Variants in OXNAD1 observed in about 807,000 individuals in gnomAD.
OXNAD1 encodes oxidoreductase NAD-binding domain-containing protein 1.
In OXNAD1, 34 loss-of-function variants were observed where a neutral mutation model predicts 32.9. The ratio of observed to expected loss-of-function variants is 1.03; its 90% CI spans 0.79 to 1.38. The LOEUF is 1.38. Ranked by LOEUF, OXNAD1 falls within the 40% of genes most tolerant of loss-of-function variation. The pLI, the probability that OXNAD1 is intolerant of heterozygous loss-of-function variation, is 0.00. For synonymous variants in OXNAD1, 134 were observed against 135.2 expected, an observed-to-expected ratio of 0.99 and a Z score of 0.06; for missense variants, 407 against 379.4, an observed-to-expected ratio of 1.07 and a Z score of -0.60.
At chr3:16,310,890 T>C (rs1426008743), downstream of OXNAD1, among the ~76,000 whole-genome samples, 1 of 148,482 alleles carries the variant, frequency 6.7e-6, no homozygotes. Context: ...CTCGGCAGGC[T>C]GAGGCAAGAG....
chr3:16,291,383 C>T (rs966317565), intron 5 of OXNAD1, among the ~76,000 whole-genome samples: 18 of 152,180 alleles, frequency 1.2e-4, no homozygotes, highest in African/African-American at 3.4e-4. Context: ...ATTTTTATCC[C>T]AGAAAGAAAC....
Position 16,336,036 on chromosome 3 carries a change from A to C in OXNAD1, c.*31-1076A>C, listed in dbSNP as rs1368946562. Among the ~76,000 whole-genome samples, 4 of 152,176 alleles carry C rather than the reference A, an allele frequency of 2.6e-5. No individual in the cohort carries two copies. The highest frequency in any genetic ancestry group is 5.9e-5 in the Non-Finnish European group (4 of 68,030). The stretch of plus-strand genomic sequence containing the variant: ...CTATAGCGGCACTCGAGGAGGGTAG[A>C]GGTCCTGTTCTCCTACGGCCATGGA... On this transcript the variant is annotated intron_variant, in intron 9 of 9. Coordinates refer to the OXNAD1 transcript ENST00000435829. The surrounding 1 kb of genome is among the most constrained non-coding windows in gnomAD (Gnocchi z 6.0).
chr3:16,304,405 T>C lies in OXNAD1; in HGVS notation c.*843T>C, dbSNP rs2067399638. On this transcript the variant is annotated 3_prime_UTR_variant, in exon 9 of 9. Coordinates refer to ENST00000285083, the MANE Select transcript of OXNAD1 (RefSeq NM_138381.5). The surrounding 1 kb of genome is among the most constrained non-coding windows in gnomAD (Gnocchi z 4.6). ...GCTTTTCTACTTTTTATTTCACTCA[T>C]TTGCCAGAATTGTTCTTGGCACCAG... The C allele has an allele frequency of 6.6e-6, 1 of 152,236 alleles. No individual in the cohort carries two copies. Among genetic ancestry groups the C allele is most frequent in the Non-Finnish European group, 1.5e-5 (1 of 68,050 alleles). The allele number at this position is 152,236 out of a possible 1,614,324, so 9.4% of individuals were successfully genotyped here.
At chr3:16,310,298 G>GT (rs199868993), downstream of OXNAD1, among the ~76,000 whole-genome samples, 130 of 150,830 alleles carry the variant, frequency 8.6e-4, no homozygotes, top group African/African-American at 1.8e-3. Context: ...TGATTCTCTT[G>GT]TTTTTTTTTC....
In OXNAD1 at chr3:16,287,869, C is replaced by G. The variant is rs1004886418; in HGVS notation, c.290+1421C>G. On this transcript the variant is annotated intron_variant, in intron 5 of 8. Coordinates refer to ENST00000285083, the MANE Select transcript of OXNAD1 (RefSeq NM_138381.5). The surrounding 1 kb of genome is among the most constrained non-coding windows in gnomAD (Gnocchi z 4.8). ...TGGGATTGGTGTCATGTATACCATC[C>G]CAATGAATGGATTTGGCCATTTCAC... Among the ~76,000 whole-genome samples the G allele has an allele frequency of 6.6e-6, 1 of 152,150 alleles. No homozygotes were observed. Among genetic ancestry groups the G allele is most frequent in the Non-Finnish European group, 1.5e-5 (1 of 68,032 alleles).
In OXNAD1 at chr3:16,336,906, G is replaced by T. The variant is rs1043474096; in HGVS notation, c.*31-206G>T. Among the ~76,000 whole-genome samples the T allele has an allele frequency of 6.6e-6, 1 of 152,162 alleles. No individual in the cohort carries two copies. The highest frequency in any genetic ancestry group is 2.4e-5 in the African/African-American group (1 of 41,430). On this transcript the variant is annotated intron_variant, in intron 9 of 9. Coordinates refer to the OXNAD1 transcript ENST00000435829. This position sits in a 1 kb window ranked among gnomAD's most constrained non-coding sequence, Gnocchi z 6.0. Reference sequence around the variant, plus strand: ...ATGAAACATATTGTTTGGAAGAATGGTGTCTATTATGACTTCCCTGTGTCC... The same window carrying T: ...ATGAAACATATTGTTTGGAAGAATGTTGTCTATTATGACTTCCCTGTGTCC...
At chr3:16,342,280 A>G (rs1483774950), downstream of OXNAD1, among the ~76,000 whole-genome samples, 1 of 152,190 alleles carries the variant, frequency 6.6e-6, no homozygotes, top group Non-Finnish European at 1.5e-5. The surrounding 1 kb of genome is among the most constrained non-coding windows in gnomAD (Gnocchi z 4.0). Context: ...TTTCATATAA[A>G]TGGATTCATA....
chr3:16,272,887 G>T (rs2065055827), intron 4 of OXNAD1, among the ~76,000 whole-genome samples: 1 of 151,746 alleles, frequency 6.6e-6, no homozygotes, highest in Admixed American at 6.6e-5. Flanking sequence ...GCTCTTTCCT[G>T]TTGTATTTTG....
At chr3:16,318,912 G>T (rs1390468148) in intron 9 of OXNAD1, among the ~76,000 whole-genome samples, 1 of 152,190 alleles carries the variant, frequency 6.6e-6, no homozygotes, top group African/African-American at 2.4e-5. Context: ...AGGCTAAGTG[G>T]TGTCTCAGAC....
At chr3:16,292,896 T>C (rs750775884) in intron 5 of OXNAD1, among the ~76,000 whole-genome samples, 6 of 152,210 alleles carry the variant, frequency 3.9e-5, no homozygotes, top group Non-Finnish European at 7.4e-5. Flanking sequence ...TGTCCTTATG[T>C]CAGTACAACA....
chr3:16,296,174 A>C (rs367716626), intron 6 of OXNAD1, among the ~76,000 whole-genome samples: 25 of 152,350 alleles, frequency 1.6e-4, no homozygotes, highest in African/African-American at 6.0e-4. Context: ...TGTAGGAACT[A>C]ATATGTCCTG....
rs2066390402 is a variant in OXNAD1, at chr3:16,290,923, A to G, written c.291-3933A>G. On this transcript the variant is annotated intron_variant, in intron 5 of 8. Transcript: ENST00000285083. This position sits in a 1 kb window ranked among gnomAD's most constrained non-coding sequence, Gnocchi z 4.2. ...AAGGATGATACTTTTTGCTCTTGTG[A>G]TGGCTGTGAAACACCTAGATTGGAT... 6.6e-6 allele frequency among the ~76,000 whole-genome samples: 1 copy of G among 152,156 alleles called. No homozygotes were observed. Among genetic ancestry groups the G allele is most frequent in the Non-Finnish European group, 1.5e-5 (1 of 68,010 alleles).
At position 16,301,919 on chromosome 3, in the gene OXNAD1, G is replaced by T; in HGVS notation, c.675+51G>T. On this transcript the variant is annotated intron_variant, in intron 7 of 8. Coordinates refer to ENST00000285083, the MANE Select transcript of OXNAD1 (RefSeq NM_138381.5). This position sits in a 1 kb window ranked among gnomAD's most constrained non-coding sequence, Gnocchi z 4.1. ...GCAAACTTGTGTAGTGGTATTAATTGTTCATGAAAGTTTTTTCTCTAGGTT... is the reference window on the plus strand; with the variant it reads ...GCAAACTTGTGTAGTGGTATTAATTTTTCATGAAAGTTTTTTCTCTAGGTT... 1 of 1,561,836 alleles carries T rather than the reference G, an allele frequency of 6.4e-7. No homozygotes were observed. Among genetic ancestry groups the T allele is most frequent in the South Asian group, 1.2e-5 (1 of 82,610 alleles).
intron 6 of OXNAD1, among the ~76,000 whole-genome samples, chr3:16,296,610 AAGG>A (rs2066815903): frequency 6.6e-6 from 1 of 152,226 alleles, no homozygotes; most frequent in Non-Finnish European, 1.5e-5. Flanking sequence ...GTATTGGTGA[AAGG>A]AGAGAAACAC....
chr3:16,316,301 A>T lies in OXNAD1; in HGVS notation c.*30+12709A>T, dbSNP rs556671859. On this transcript the variant is annotated intron_variant, in intron 9 of 9. Transcript: ENST00000435829. This position sits in a 1 kb window ranked among gnomAD's most constrained non-coding sequence, Gnocchi z 4.5. ...GGAGGCGGAGCACCTCCCCTCCCCA[A>T]TGTCATTTTCTTTGTCAAAGCAGAA... 1 of 161,164 alleles carries T rather than the reference A, an allele frequency of 6.2e-6. No homozygotes were observed. The highest frequency in any genetic ancestry group is 1.3e-5 in the Non-Finnish European group (1 of 74,624). The allele number at this position is 161,164 out of a possible 1,614,324, so 10.0% of individuals were successfully genotyped here. A position where few individuals can be genotyped will look rare whatever the true frequency, so the allele number is the denominator to read the frequency against.
chr3:16,270,512 GCTT>G lies in OXNAD1; in HGVS notation c.-8-429_-8-427del, dbSNP rs1164676617. Among the ~76,000 whole-genome samples, 4 of 152,196 alleles carry G rather than the reference GCTT, an allele frequency of 2.6e-5. No individual in the cohort carries two copies. The East Asian group carries it at 7.7e-4, about 29-fold the overall frequency. ...GTTTTTTAATATCTGGAAACCTTAA[GCTT>G]CTTGTTTGGGAACCGTTGTAAATTT... is the stretch of plus-strand genomic sequence containing the variant. On this transcript the variant is annotated intron_variant, in intron 2 of 8. Coordinates refer to ENST00000285083, the MANE Select transcript of OXNAD1 (RefSeq NM_138381.5).
At chr3:16,347,798 C>T (rs748919773) in intron 9 of OXNAD1, 4 of 152,182 alleles carry the variant, frequency 2.6e-5, no homozygotes, top group African/African-American at 7.2e-5. Flanking sequence ...ACTTTTATCT[C>T]GATTTGCAAT....
Position 16,265,861 on chromosome 3 carries a change from T to C in OXNAD1, c.-159+356T>C. 2 of 985,260 alleles carry C rather than the reference T, an allele frequency of 2.0e-6. No individual in the cohort carries two copies. The highest frequency in any genetic ancestry group is 2.4e-6 in the Non-Finnish European group (2 of 829,754). The allele number at this position is 985,260 out of a possible 1,614,324, so 61.0% of individuals were successfully genotyped here. A position where few individuals can be genotyped will look rare whatever the true frequency, so the allele number is the denominator to read the frequency against. ...AAAGCCCAGGAACAAATTACTTATG[T>C]GAGTACCAGTTTTTTCGTTGTGAAA... On this transcript the variant is annotated intron_variant, in intron 1 of 8. Coordinates refer to ENST00000285083, the MANE Select transcript of OXNAD1 (RefSeq NM_138381.5). This position sits in a 1 kb window ranked among gnomAD's most constrained non-coding sequence, Gnocchi z 4.8.
chr3:16,326,849 G>T (rs2069749638), intron 9 of OXNAD1: 1 of 1,613,944 alleles, frequency 6.2e-7, no homozygotes, highest in Admixed American at 1.7e-5. Context: ...TTCAGCAGGG[G>T]CACGTAGTCT....
Sources: gnomAD v4.1 joint callset for allele counts (sites outside exome capture counted in the v4.1 genomes callset) on GRCh38, gnomAD v4.1.1 for gene constraint, Gnocchi (gnomAD v3.1) non-coding constraint, MANE v1.5 for transcripts, NCBI Gene and HGNC (gene_info 2026-07-23, HGNC 2026-07-21) for gene names.